The following SLC1A1 variants were observed in gnomAD, a reference collection of about 807,000 sequenced individuals.
SLC1A1 encodes the protein solute carrier family 1 member 1.
SLC1A1 carries 43 observed loss-of-function variants against 53.3 expected under a neutral mutation model. The ratio of observed to expected loss-of-function variants is 0.81; its 90% CI spans 0.63 to 1.04. SLC1A1 has a LOEUF of 1.04. Among genes scored for constraint, SLC1A1 ranks in the 50% least tolerant of loss-of-function variants. SLC1A1 has a pLI of 0.00. For missense variants in SLC1A1, 748 were observed against 664.9 expected (o/e 1.12, Z -1.37); for synonymous variants, 307 against 243.2 (o/e 1.26, Z -2.44).
chr9:4,542,399 G>C (rs555610115), intron 1 of SLC1A1, among the ~76,000 whole-genome samples: 1 of 152,230 alleles, frequency 6.6e-6, no homozygotes, highest in African/African-American at 2.4e-5. Context: ...CTGAAAAATA[G>C]CAAGTACATA....
chr9:4,562,156 CT>C (rs1819016762), intron 3 of SLC1A1, among the ~76,000 whole-genome samples: 2 of 148,956 alleles, frequency 1.3e-5, no homozygotes, highest in African/African-American at 5.0e-5. Flanking sequence ...ACTGCAACCT[CT>C]GCCTCCTGGG....
chr9:4,495,305 C>A lies in SLC1A1; in HGVS notation c.91+4535C>A, dbSNP rs1395451981. Among the ~76,000 whole-genome samples, 4 of 152,298 alleles carry A rather than the reference C, an allele frequency of 2.6e-5. No individual in the cohort carries two copies. In the East Asian group the frequency reaches 7.7e-4, roughly 29 times the overall value. ...ATAATCAACACTTAAGCCATTCATTCATTTAACAGATATGTATCAGACCCC... is the reference window on the plus strand; with the variant it reads ...ATAATCAACACTTAAGCCATTCATTAATTTAACAGATATGTATCAGACCCC... On this transcript the variant is annotated intron_variant, in intron 1 of 11. Coordinates refer to ENST00000262352, the MANE Select transcript of SLC1A1 (RefSeq NM_004170.6).
intron 2 of SLC1A1, among the ~76,000 whole-genome samples, chr9:4,552,710 G>A (rs914145633): frequency 6.6e-6 from 1 of 151,854 alleles, no homozygotes; most frequent in African/African-American, 2.4e-5. Context: ...TTTGAATCCT[G>A]GTTCTGCCAT....
chr9:4,497,835 A>G (rs7856981), intron 1 of SLC1A1, among the ~76,000 whole-genome samples: 3,043 of 152,248 alleles, frequency 0.02, 81 homozygotes, highest in African/African-American at 0.062. Flanking sequence ...TATATCTGAT[A>G]CCTATACTCT....
At chr9:4,559,775 C>T (rs4742007) in intron 2 of SLC1A1, 38,024 of 152,030 alleles carry the variant, frequency 0.25, 5,157 homozygotes, top group East Asian at 0.46. Context: ...AAAATATGAC[C>T]CTCATTTTGG....
intron 1 of SLC1A1, among the ~76,000 whole-genome samples, chr9:4,533,283 G>C (rs1816547043): frequency 1.3e-5 from 2 of 152,190 alleles, no homozygotes; most frequent in Non-Finnish European, 1.5e-5. Context: ...TGGATAAAGA[G>C]TCAAGACCCA....
At chr9:4,520,795 T>A (rs1260992678) in intron 1 of SLC1A1, among the ~76,000 whole-genome samples, 1 of 152,234 alleles carries the variant, frequency 6.6e-6, no homozygotes, top group Non-Finnish European at 1.5e-5. Context: ...ATGCAATTGC[T>A]GGGTCACATG....
At position 4,583,586 on chromosome 9, in the gene SLC1A1, G is replaced by A. The variant is rs1821302357; in HGVS notation, c.1328+414G>A. Among the ~76,000 whole-genome samples, 2 of 152,132 alleles carry A rather than the reference G, an allele frequency of 1.3e-5. No homozygotes were observed. The highest frequency in any genetic ancestry group is 2.9e-5 in the Non-Finnish European group (2 of 68,012). Reference sequence around the variant, plus strand: ...CATCTTCCGAACCATCAGGGACAGTGGCACAAGCACTTGGGTTTGAATCTC... The same window carrying A: ...CATCTTCCGAACCATCAGGGACAGTAGCACAAGCACTTGGGTTTGAATCTC... On this transcript the variant is annotated intron_variant, in intron 11 of 11. Transcript: ENST00000262352. This position sits in a 1 kb window ranked among gnomAD's most constrained non-coding sequence, Gnocchi z 4.6.
chr9:4,578,499 A>C (rs1820770402), intron 10 of SLC1A1, among the ~76,000 whole-genome samples: 1 of 152,164 alleles, frequency 6.6e-6, no homozygotes. Context: ...CTAATACTAG[A>C]AGCAGGTAGA....
rs541318354 is a variant in SLC1A1, at chr9:4,575,908, A to T, written c.876-93A>T. On this transcript the variant is annotated intron_variant, in intron 8 of 11. Transcript: ENST00000262352. ...TATTGGGCCATTATGAAAGTCAAAC[A>T]ATTTTATAAATTAAAAAGATGTTTG... is the stretch of plus-strand genomic sequence containing the variant. 2.4e-5 allele frequency: 35 copies of T among 1,477,038 alleles called. No homozygotes were observed. In the South Asian group the frequency reaches 3.8e-4, roughly 16 times the overall value. 91.5% of individuals were successfully genotyped at this position (1,477,038 alleles called of 1,614,324 possible). A position where few individuals can be genotyped will look rare whatever the true frequency, so the allele number is the denominator to read the frequency against.
intron 1 of SLC1A1, among the ~76,000 whole-genome samples, chr9:4,498,353 A>G (rs1586687585): frequency 6.6e-6 from 1 of 152,212 alleles, no homozygotes; most frequent in African/African-American, 2.4e-5. Flanking sequence ...TACAACAGTA[A>G]TAGAAGGTCT....
intron 1 of SLC1A1, among the ~76,000 whole-genome samples, chr9:4,497,332 T>C (rs1820467698): frequency 1.3e-5 from 2 of 152,178 alleles, no homozygotes; most frequent in Admixed American, 1.3e-4. Context: ...AGCCTCTGCT[T>C]CTAACCACTA....
chr9:4,501,196 T>C (rs984983290), intron 1 of SLC1A1, among the ~76,000 whole-genome samples: 2 of 151,916 alleles, frequency 1.3e-5, no homozygotes, highest in African/African-American at 4.9e-5. Context: ...TATTTTGTTT[T>C]GTTTTGAGAC....
chr9:4,497,010 T>C (rs915050157), intron 1 of SLC1A1, among the ~76,000 whole-genome samples: 4 of 152,064 alleles, frequency 2.6e-5, no homozygotes, highest in Non-Finnish European at 5.9e-5. Flanking sequence ...TAGTTGGGGA[T>C]TGGCCAGAGA....
intron 2 of SLC1A1, among the ~76,000 whole-genome samples, chr9:4,545,187 A>ATCTCTCTCTCTCTCTCTCTC (rs1817369905): frequency 2.0e-5 from 1 of 48,996 alleles, no homozygotes; most frequent in Admixed American, 2.2e-4. Flanking sequence ...AATACATTAG[A>ATCTCTCTCTCTCTCTCTCTC]TGTCTCTCTC....
chr9:4,570,171 C>T (rs545073637), intron 6 of SLC1A1, among the ~76,000 whole-genome samples: 29 of 152,178 alleles, frequency 1.9e-4, no homozygotes, highest in Non-Finnish European at 4.0e-4. Flanking sequence ...CTTCATATGA[C>T]GCTTGTATCT....
At chr9:4,543,754 A>C (rs895767926) in intron 1 of SLC1A1, among the ~76,000 whole-genome samples, 4 of 152,244 alleles carry the variant, frequency 2.6e-5, no homozygotes, top group African/African-American at 9.6e-5. Context: ...TATGGTAAAT[A>C]AATCAATAGG....
At chr9:4,563,871 G>A (rs1325024420) in intron 3 of SLC1A1, among the ~76,000 whole-genome samples, 2 of 152,140 alleles carry the variant, frequency 1.3e-5, no homozygotes, top group Non-Finnish European at 2.9e-5. Flanking sequence ...CTACGGTATG[G>A]AAGGAAGGCA....
chr9:4,520,648 T>C (rs1029160194), intron 1 of SLC1A1, among the ~76,000 whole-genome samples: 4 of 152,258 alleles, frequency 2.6e-5, no homozygotes, highest in Non-Finnish European at 5.9e-5. Context: ...AGATACAATA[T>C]TTTGTTTATC....
Sources: gnomAD v4.1 joint callset for allele counts (sites outside exome capture counted in the v4.1 genomes callset) on GRCh38, gnomAD v4.1.1 for gene constraint, Gnocchi (gnomAD v3.1) non-coding constraint, MANE v1.5 for transcripts, NCBI Gene and HGNC (gene_info 2026-07-23, HGNC 2026-07-21) for gene names.